GTF2H2: variants seen among roughly 807,000 people sequenced by gnomAD.
GTF2H2 encodes TFIIH basal transcription factor complex p44 subunit.
Under a neutral mutation model 16.5 loss-of-function variants are expected in GTF2H2, and 2 were observed. The ratio of observed to expected loss-of-function variants is 0.12; its 90% confidence interval spans 0.05 to 0.38. The LOEUF (loss-of-function observed/expected upper bound fraction) is 0.38, where lower values mean the gene tolerates loss of function less well. Among genes scored for constraint, GTF2H2 ranks in the 10% least tolerant of loss-of-function variants. GTF2H2 has a pLI of 0.99. For missense variants in GTF2H2, 20 were observed against 137.0 expected, an observed-to-expected ratio of 0.15 and a Z score of 4.26; for synonymous variants, 8 against 44.1, an observed-to-expected ratio of 0.18 and a Z score of 3.24.
At chr5:71,050,993 T>G (rs1752664044) in intron 8 of GTF2H2, among the ~76,000 whole-genome samples, 1 of 135,648 alleles carries the variant, frequency 7.4e-6, no homozygotes, top group Non-Finnish European at 1.6e-5. Flanking sequence ...ATTACAGGCA[T>G]GCACCACCAT....
intron 11 of GTF2H2, among the ~76,000 whole-genome samples, chr5:71,046,709 C>T (rs1027953193): frequency 4.0e-5 from 4 of 99,330 alleles, no homozygotes; most frequent in Non-Finnish European, 8.2e-5. Flanking sequence ...GCCTGTAATC[C>T]CAGCACTCTG....
At position 71,055,264 on chromosome 5, in the gene GTF2H2, G is replaced by A. The variant is rs572568428; in HGVS notation, c.470+88C>T. 3.8e-6 allele frequency: 5 copies of A among 1,301,722 alleles called. No individual in the cohort carries two copies. In the Admixed American group the frequency reaches 7.2e-5, roughly 19 times the overall value. The allele number at this position is 1,301,722 out of a possible 1,614,324, so 80.6% of individuals were successfully genotyped here. Reference sequence around the variant, plus strand: ...GTACTTAACAATTTTGTTATAGCTGGGTTTATGGGCCCCATATTAACACAT... The same window carrying A: ...GTACTTAACAATTTTGTTATAGCTGAGTTTATGGGCCCCATATTAACACAT... On this transcript the variant is annotated intron_variant, in intron 8 of 15. Coordinates refer to ENST00000274400, the Ensembl canonical transcript of GTF2H2.
rs1485277409 is a variant in GTF2H2 at position 71,036,318 on chromosome 5, C to T, written c.1069-522G>A. The stretch of plus-strand genomic sequence containing the variant: ...TCTTTCAGCATTACATATACGAGTA[C>T]TTGCGCCTTGGGATAAAATTTCCAG... On this transcript the variant is annotated intron_variant, in intron 15 of 15. Coordinates refer to ENST00000274400, the Ensembl canonical transcript of GTF2H2. 2.3e-5 allele frequency among the ~76,000 whole-genome samples: 2 copies of T among 88,750 alleles called. 1 individual carries two copies. The highest frequency in any genetic ancestry group is 4.8e-5 in the Non-Finnish European group (2 of 41,516). 58.2% of individuals were successfully genotyped at this position (88,750 alleles called of 152,430 possible). A position where few individuals can be genotyped will look rare whatever the true frequency, so the allele number is the denominator to read the frequency against.
At chr5:71,064,294 CA>C (rs1425957521) in intron 1 of GTF2H2, among the ~76,000 whole-genome samples, 2 of 141,170 alleles carry the variant, frequency 1.4e-5, no homozygotes, top group African/African-American at 5.1e-5. Context: ...CAAACCTCAA[CA>C]ACAAGCAATT....
At chr5:71,063,701 T>C (rs1753719407) in intron 1 of GTF2H2, among the ~76,000 whole-genome samples, 1 of 142,904 alleles carries the variant, frequency 7.0e-6, no homozygotes, top group East Asian at 2.0e-4. Context: ...TGGTACGTAA[T>C]ATATCATGGA....
rs1753045139 is a variant in GTF2H2 at position 71,054,711 on chromosome 5, A to ATG, written c.470+640_470+641insCA. Among the ~76,000 whole-genome samples, 6 of 92,264 alleles carry ATG rather than the reference A, an allele frequency of 6.5e-5. 1 individual carries two copies. The highest frequency in any genetic ancestry group is 1.1e-4 in the Non-Finnish European group (5 of 45,752). The allele number at this position is 92,264 out of a possible 152,430, so 60.5% of individuals were successfully genotyped here. A position where few individuals can be genotyped will look rare whatever the true frequency, so the allele number is the denominator to read the frequency against. On this transcript the variant is annotated intron_variant, in intron 8 of 15. Coordinates refer to ENST00000274400, the Ensembl canonical transcript of GTF2H2. ...CTGTCTCGAAAAAAAATATATATAT[A>ATG]CGTGTGTGTGTGTGTGTGTGTGTGT...
Position 71,057,390 on chromosome 5 carries a change from T to G in GTF2H2, c.365-1933A>C, listed in dbSNP as rs2666634. 6.9e-5 allele frequency among the ~76,000 whole-genome samples: 10 copies of G among 143,904 alleles called. No individual in the cohort carries two copies. The East Asian group carries it at 7.8e-4, about 11-fold the overall frequency. The allele number at this position is 143,904 out of a possible 152,430, so 94.4% of individuals were successfully genotyped here. A position where few individuals can be genotyped will look rare whatever the true frequency, so the allele number is the denominator to read the frequency against. ...AAAATGTTATGTAATTGGGTGGAGT[T>G]TTTTTGGATTACTAGTTTCCCTGAT... On this transcript the variant is annotated intron_variant, in intron 7 of 15. Transcript: ENST00000274400.
chr5:71,054,876 A>C (rs1753080774), intron 8 of GTF2H2, among the ~76,000 whole-genome samples: 1 of 137,544 alleles, frequency 7.3e-6, no homozygotes, highest in South Asian at 2.2e-4. Context: ...ATATATATAT[A>C]AGCTTTAACT....
At position 71,043,988 on chromosome 5, in the gene GTF2H2, T is replaced by G. The variant is rs1301226030; in HGVS notation, c.821+1456A>C. On this transcript the variant is annotated intron_variant, in intron 12 of 15. Transcript: ENST00000274400. ...AAATATTTAAGGGTTTGTTCTGAAATATACTTCATTAACTTGGAAATAGTT... is the reference window on the plus strand; with the variant it reads ...AAATATTTAAGGGTTTGTTCTGAAAGATACTTCATTAACTTGGAAATAGTT... 1.4e-4 allele frequency among the ~76,000 whole-genome samples: 13 copies of G among 91,474 alleles called. 1 individual carries two copies. The East Asian group carries it at 5.3e-3, about 37-fold the overall frequency. The allele number at this position is 91,474 out of a possible 152,430, so 60.0% of individuals were successfully genotyped here.
chr5:71,036,234 T>TA (rs1420796093), intron 15 of GTF2H2, among the ~76,000 whole-genome samples: 1 of 77,142 alleles, frequency 1.3e-5, no homozygotes, highest in African/African-American at 4.6e-5. Flanking sequence ...AGTAAACCTT[T>TA]AAAAAAATAT....
Position 71,054,714 on chromosome 5 carries a change from T to C in GTF2H2, c.470+638A>G, listed in dbSNP as rs530444977. Among the ~76,000 whole-genome samples the C allele has an allele frequency of 3.4e-4, 39 of 113,198 alleles. 1 individual carries two copies. The highest frequency in any genetic ancestry group is 4.9e-4 in the Non-Finnish European group (27 of 55,500). 74.3% of individuals were successfully genotyped at this position (113,198 alleles called of 152,430 possible). ...TCTCGAAAAAAAATATATATATACGTGTGTGTGTGTGTGTGTGTGTGTGTG... is the reference window on the plus strand; with the variant it reads ...TCTCGAAAAAAAATATATATATACGCGTGTGTGTGTGTGTGTGTGTGTGTG... On this transcript the variant is annotated intron_variant, in intron 8 of 15. Transcript: ENST00000274400.
chr5:71,051,053 G>A (rs189093830), intron 8 of GTF2H2, among the ~76,000 whole-genome samples: 2 of 143,394 alleles, frequency 1.4e-5, no homozygotes, highest in Non-Finnish European at 3.1e-5. Context: ...CACCATGTTG[G>A]CCAGACTAGT....
At chr5:71,053,314 G>C (rs545967278) in intron 8 of GTF2H2, among the ~76,000 whole-genome samples, 1 of 142,120 alleles carries the variant, frequency 7.0e-6, no homozygotes, top group Admixed American at 7.3e-5. Flanking sequence ...GAGATGGGGG[G>C]GCCGAACAGA....
chr5:71,053,004 G>C, intron 8 of GTF2H2, among the ~76,000 whole-genome samples: 2 of 106,148 alleles, frequency 1.9e-5, no homozygotes, highest in African/African-American at 3.9e-5. Flanking sequence ...CATGGCCTCA[G>C]GTGATCCTCC....
At chr5:71,044,098 G>C (rs1341213488) in intron 12 of GTF2H2, among the ~76,000 whole-genome samples, 7 of 138,180 alleles carry the variant, frequency 5.1e-5, no homozygotes, top group African/African-American at 2.0e-4. Context: ...TTTTCTTTTT[G>C]CCTCTGGTTC....
intron 7 of GTF2H2, 34 bp from the exon 8 acceptor site, chr5:71,055,491 T>C (rs1753155296): frequency 7.1e-7 from 1 of 1,401,982 alleles, no homozygotes; most frequent in East Asian, 2.5e-5. Context: ...AATAAAATCC[T>C]ATATATTAAA....
In GTF2H2 at chr5:71,051,094, G is replaced by A. The variant is rs1752674865; in HGVS notation, c.471-1936C>T. 3.5e-5 allele frequency among the ~76,000 whole-genome samples: 5 copies of A among 143,048 alleles called. 1 individual carries two copies. The highest frequency in any genetic ancestry group is 1.1e-4 in the African/African-American group (4 of 37,728). 93.8% of individuals were successfully genotyped at this position (143,048 alleles called of 152,430 possible). A position where few individuals can be genotyped will look rare whatever the true frequency, so the allele number is the denominator to read the frequency against. On this transcript the variant is annotated intron_variant, in intron 8 of 15. Transcript: ENST00000274400. Reference sequence around the variant, plus strand: ...ACTCCTGACCTCAAGTGATCCACCCGCCTCGGCCTCCCAATGTGCTGGGAT... The same window carrying A: ...ACTCCTGACCTCAAGTGATCCACCCACCTCGGCCTCCCAATGTGCTGGGAT...
At chr5:71,042,314 G>C in intron 12 of GTF2H2, 30 bp from the exon 13 acceptor site, 1 of 355,192 alleles carries the variant, frequency 2.8e-6, no homozygotes, top group Non-Finnish European at 4.7e-6. Flanking sequence ...AATATATAAT[G>C]ATCTGAAAAG....
At position 71,055,164 on chromosome 5, in the gene GTF2H2, A is replaced by G. The variant is rs955342039; in HGVS notation, c.470+188T>C. The G allele has an allele frequency of 2.1e-4, 100 of 470,936 alleles. 6 individuals are homozygous for G. Among genetic ancestry groups the G allele is most frequent in the Non-Finnish European group, 3.2e-4 (89 of 277,802 alleles). 29.2% of individuals were successfully genotyped at this position (470,936 alleles called of 1,614,324 possible). On this transcript the variant is annotated intron_variant, in intron 8 of 15. Transcript: ENST00000274400. The stretch of plus-strand genomic sequence containing the variant: ...ATATTTTTATAAAACCTTTAACAAT[A>G]TCTTACTAAAATGTAAAATAAAGAT...
Sources: allele counts gnomAD v4.1 joint callset (sites outside exome capture counted in the v4.1 genomes callset), GRCh38; gene constraint gnomAD v4.1.1; transcripts MANE v1.5; gene names NCBI Gene and HGNC (gene_info 2026-07-23, HGNC 2026-07-21).